KAZN: variants seen among roughly 807,000 people sequenced by gnomAD.
KAZN encodes kazrin, periplakin interacting protein.
Under a neutral mutation model 87.4 loss-of-function variants are expected in KAZN, and 40 were observed. The observed-to-expected ratio is 0.46, with a 90% CI of 0.36 to 0.60. The LOEUF (loss-of-function observed/expected upper bound fraction) is 0.60. KAZN is among the 20% of genes least tolerant of loss of function. The probability of loss-of-function intolerance (pLI) is 0.00; values close to 1 mark genes in which losing one functional copy is unlikely to be tolerated. For synonymous variants in KAZN, 466 were observed against 458.3 expected, an observed-to-expected ratio of 1.02 and a Z score of -0.22; for missense variants, 898 against 1,073.9, an observed-to-expected ratio of 0.84 and a Z score of 2.29.
chr1:13,969,937 TAGA>T (rs1642078634), intron 1 of KAZN, among the ~76,000 whole-genome samples: 2 of 152,204 alleles, frequency 1.3e-5, no homozygotes, highest in African/African-American at 2.4e-5. Context: ...GCCCATTTTA[TAGA>T]AGAAGAAGCC....
chr1:14,720,857 C>T (rs927745548), intron 1 of KAZN, among the ~76,000 whole-genome samples: 1 of 152,186 alleles, frequency 6.6e-6, no homozygotes, highest in Admixed American at 6.5e-5. Flanking sequence ...CCTGGGACTA[C>T]TACCGCGCCT....
chr1:14,848,160 G>A (rs1048809524), intron 1 of KAZN, among the ~76,000 whole-genome samples: 3 of 152,130 alleles, frequency 2.0e-5, no homozygotes, highest in African/African-American at 7.2e-5. Flanking sequence ...CTTCCCACAC[G>A]TCTCTGAGCC....
chr1:14,540,056 C>T (rs867708908), intron 2 of KAZN, among the ~76,000 whole-genome samples: 2 of 152,100 alleles, frequency 1.3e-5, no homozygotes, highest in Non-Finnish European at 2.9e-5. Flanking sequence ...GTGAAAAGTC[C>T]AAAGGAGACG....
At chr1:14,081,161 C>A (rs1411012315) in intron 1 of KAZN, among the ~76,000 whole-genome samples, 2 of 150,970 alleles carry the variant, frequency 1.3e-5, no homozygotes, top group Non-Finnish European at 3.0e-5. Flanking sequence ...CAAATAAATC[C>A]TTTGTTTGCT....
chr1:13,920,678 T>C (rs1161419448), intron 1 of KAZN, among the ~76,000 whole-genome samples: 2 of 152,192 alleles, frequency 1.3e-5, no homozygotes, highest in Non-Finnish European at 2.9e-5. Flanking sequence ...TCAGAATGTT[T>C]CTGTGTAGGG....
At chr1:14,950,903 G>A (rs371464808) in intron 1 of KAZN, among the ~76,000 whole-genome samples, 5 of 152,168 alleles carry the variant, frequency 3.3e-5, no homozygotes, top group African/African-American at 7.2e-5. Flanking sequence ...CCTGCAGGGT[G>A]TCTTGAGTCT....
intron 1 of KAZN, among the ~76,000 whole-genome samples, chr1:13,974,852 C>G (rs1278224082): frequency 6.6e-6 from 1 of 152,154 alleles, no homozygotes; most frequent in Non-Finnish European, 1.5e-5. Flanking sequence ...CAAGGGCCAA[C>G]CTTGTAAACC....
Position 15,101,655 on chromosome 1 carries a change from A to T in KAZN, c.1660A>T (p.Met554Leu), listed in dbSNP as rs1641073587. The stretch of plus-strand genomic sequence containing the variant: ...TCAGAACCACCTGGTTGATGGGCGG[A>T]TGCTGAATTCCCTGATGAAGCGAGA... ...AFQNHLVDGR[M>L]LNSLMKRDLE... Residue 554 changes from methionine to leucine, a missense_variant, in exon 11 of 15, where the codon ATG (methionine) becomes TTG (leucine). Around this residue, in one of 3 missense-constraint regions of KAZN, gnomAD observed 521 missense variants for 689.4 expected, o/e 0.76. Coordinates refer to ENST00000376030, the MANE Select transcript of KAZN (RefSeq NM_201628.3). 1.3e-6 allele frequency: 2 copies of T among 1,581,988 alleles called. No homozygotes were observed. Among genetic ancestry groups the T allele is most frequent in the Admixed American group, 1.8e-5 (1 of 55,684 alleles).
intron 2 of KAZN, among the ~76,000 whole-genome samples, chr1:14,233,196 A>T (rs1648034916): frequency 6.6e-6 from 1 of 152,052 alleles, no homozygotes; most frequent in Non-Finnish European, 1.5e-5. Flanking sequence ...CAGTGGCACG[A>T]TCACACCTCA....
chr1:14,943,008 GTGTGTGTGT>G (rs1557644828), intron 1 of KAZN, among the ~76,000 whole-genome samples: 5 of 62,202 alleles, frequency 8.0e-5, no homozygotes, highest in Middle Eastern at 6.5e-3. Flanking sequence ...TGTGTGTGTG[GTGTGTGTGT>G]GTGTGTGTGT....
At chr1:14,320,339 A>T (rs1224704122) in intron 2 of KAZN, among the ~76,000 whole-genome samples, 1 of 152,130 alleles carries the variant, frequency 6.6e-6, no homozygotes, top group Non-Finnish European at 1.5e-5. Context: ...TATAATCTAT[A>T]TATTTATAAT....
intron 2 of KAZN, among the ~76,000 whole-genome samples, chr1:14,196,469 T>C (rs1421438639): frequency 2.0e-5 from 3 of 152,036 alleles, no homozygotes; most frequent in African/African-American, 7.2e-5. Context: ...TTTTAGATGA[T>C]GCCAAGAAAT....
intron 1 of KAZN, among the ~76,000 whole-genome samples, chr1:14,137,956 T>C (rs149532797): frequency 3.9e-5 from 6 of 152,266 alleles, no homozygotes. Flanking sequence ...GACCACATAA[T>C]AGATGAGTAA....
intron 2 of KAZN, among the ~76,000 whole-genome samples, chr1:14,567,989 A>G (rs528108430): frequency 4.6e-5 from 7 of 152,220 alleles, no homozygotes; most frequent in Non-Finnish European, 8.8e-5. Flanking sequence ...AGGATTTCAC[A>G]TATGTGATTA....
At chr1:15,042,368 G>C (rs1242663412) in intron 3 of KAZN, among the ~76,000 whole-genome samples, 1 of 152,174 alleles carries the variant, frequency 6.6e-6, no homozygotes, top group African/African-American at 2.4e-5. Flanking sequence ...AATATTGGTT[G>C]AATAACAGAC....
At chr1:14,824,558 T>G (rs1395609067) in intron 1 of KAZN, among the ~76,000 whole-genome samples, 1 of 152,204 alleles carries the variant, frequency 6.6e-6, no homozygotes, top group African/African-American at 2.4e-5. Context: ...GGAGCGACGC[T>G]TGCATCTTGA....
intron 8 of KAZN, among the ~76,000 whole-genome samples, chr1:15,074,679 C>T (rs887936816): frequency 6.6e-5 from 10 of 152,206 alleles, no homozygotes; most frequent in African/African-American, 2.4e-4. Context: ...CAGTTCACGA[C>T]ACTCTTTCAC....
intron 4 of KAZN, among the ~76,000 whole-genome samples, chr1:15,046,989 C>T (rs1345725998): frequency 6.6e-6 from 1 of 152,208 alleles, no homozygotes; most frequent in Non-Finnish European, 1.5e-5. Context: ...ACCAGCTCAC[C>T]CTGGCTTCCA....
At position 15,066,065 on chromosome 1, in the gene KAZN, A is replaced by T. The variant is rs1040299305; in HGVS notation, c.1222+312A>T. 1.7e-6 allele frequency: 2 copies of T among 1,191,438 alleles called. No homozygotes were observed. The highest frequency in any genetic ancestry group is 3.2e-5 in the African/African-American group (2 of 63,482). The allele number at this position is 1,191,438 out of a possible 1,614,324, so 73.8% of individuals were successfully genotyped here. A position where few individuals can be genotyped will look rare whatever the true frequency, so the allele number is the denominator to read the frequency against. Reference sequence around the variant, plus strand: ...CTCTCTGTCGTCTTTGGAGCGATACAGTTGTGTTGTTAATCTGGTTTATTA... The same window carrying T: ...CTCTCTGTCGTCTTTGGAGCGATACTGTTGTGTTGTTAATCTGGTTTATTA... On this transcript the variant is annotated intron_variant, in intron 8 of 14. Coordinates refer to ENST00000376030, the MANE Select transcript of KAZN (RefSeq NM_201628.3). The surrounding 1 kb of genome is among the most constrained non-coding windows in gnomAD (Gnocchi z 4.3).
Sources: gnomAD v4.1 joint callset for allele counts (sites outside exome capture counted in the v4.1 genomes callset) on GRCh38, gnomAD v4.1.1 for gene constraint, gnomAD v4.1.1 regional missense constraint, Gnocchi (gnomAD v3.1) non-coding constraint, MANE v1.5 for transcripts, NCBI Gene and HGNC (gene_info 2026-07-23, HGNC 2026-07-21) for gene names.